MTREX: variants seen among roughly 807,000 people sequenced by gnomAD.
The protein encoded by MTREX is Mtr4 exosome RNA helicase.
In MTREX, 76 loss-of-function variants were observed where a neutral mutation model predicts 135.4. The ratio of observed to expected loss-of-function variants is 0.56; its 90% CI spans 0.47 to 0.68. The LOEUF is 0.68. MTREX is among the 30% of genes least tolerant of loss of function. MTREX has a pLI of 0.00. For synonymous variants in MTREX, 404 were observed against 401.6 expected (o/e 1.01, Z -0.07); for missense variants, 920 against 1,262.1 (o/e 0.73, Z 4.11).
At chr5:55,414,904 C>T (rs1750942947) in intron 24 of MTREX, among the ~76,000 whole-genome samples, 1 of 152,146 alleles carries the variant, frequency 6.6e-6, no homozygotes, top group African/African-American at 2.4e-5. Context: ...CCCACCTCGG[C>T]CTCCCAAAGT....
chr5:55,387,606 C>T (rs1431633321), intron 18 of MTREX, among the ~76,000 whole-genome samples: 1 of 151,938 alleles, frequency 6.6e-6, no homozygotes, highest in Non-Finnish European at 1.5e-5. Flanking sequence ...GAAATGCTAG[C>T]ATAATAAGCA....
In MTREX at chr5:55,324,205, A is replaced by G. The variant is rs1266159281; in HGVS notation, c.339+7A>G. 1 of 1,600,168 alleles carries G rather than the reference A, an allele frequency of 6.2e-7. No homozygotes were observed. The highest frequency in any genetic ancestry group is 8.5e-7 in the Non-Finnish European group (1 of 1,169,988). On this transcript the variant is annotated splice_region_variant and intron_variant, in intron 3 of 26. Transcript: ENST00000230640. ...TGAAGGGTGTACACATGAGGTAAGC[A>G]CAAACAGCATACAGAAGGTTAGTGT...
chr5:55,351,974 AC>A (rs1749835603), intron 13 of MTREX, among the ~76,000 whole-genome samples: 1 of 151,356 alleles, frequency 6.6e-6, no homozygotes, highest in Non-Finnish European at 1.5e-5. Flanking sequence ...GGAGCATACC[AC>A]CATCCCCAAC....
At chr5:55,393,468 T>C (rs1345981300) in intron 19 of MTREX, among the ~76,000 whole-genome samples, 2 of 152,228 alleles carry the variant, frequency 1.3e-5, no homozygotes, top group Non-Finnish European at 2.9e-5. Context: ...ACTTGCTTGT[T>C]GAATGAAAAA....
At position 55,342,551 on chromosome 5, in the gene MTREX, A is replaced by T. The variant is rs554693089; in HGVS notation, c.781+780A>T. Among the ~76,000 whole-genome samples the T allele has an allele frequency of 5.9e-5, 9 of 152,370 alleles. No individual in the cohort carries two copies. In the South Asian group the frequency reaches 1.9e-3, roughly 32 times the overall value. ...TAGGCTGTTACGCTCTCGTAATGAA[A>T]AAGTAAGTATGCTTGGAATTTGTAG... On this transcript the variant is annotated intron_variant, in intron 7 of 26. Transcript: ENST00000230640.
At chr5:55,328,676 A>G in intron 4 of MTREX, 23 bp from the exon 5 acceptor site, 2 of 1,486,692 alleles carry the variant, frequency 1.3e-6, no homozygotes, top group South Asian at 1.1e-5. Flanking sequence ...TTTTATGCAG[A>G]TATTAATGTT....
chr5:55,422,575 G>C (rs1561215435), intron 25 of MTREX, among the ~76,000 whole-genome samples: 1 of 152,174 alleles, frequency 6.6e-6, no homozygotes, highest in African/African-American at 2.4e-5. Context: ...TACAGACACA[G>C]ATTATGTCAT....
chr5:55,312,049 T>C (rs945495404), intron 1 of MTREX, among the ~76,000 whole-genome samples: 11 of 152,208 alleles, frequency 7.2e-5, no homozygotes, highest in Non-Finnish European at 1.3e-4. Context: ...GAAAATAGTA[T>C]CACCCTGATT....
rs778891236 is a variant in MTREX, at chr5:55,387,995, C to T, written c.2074C>T (p.Pro692Ser). 3 of 1,597,108 alleles carry T rather than the reference C, an allele frequency of 1.9e-6. No homozygotes were observed. In the Admixed American group the frequency reaches 5.0e-5, roughly 27 times the overall value. Residue 692 changes from proline to serine, a missense_variant, in exon 19 of 27, where the codon CCT becomes TCT. Physicochemically the swap from Pro to Ser is moderately conservative, Grantham distance 74. Coordinates refer to ENST00000230640, the MANE Select transcript of MTREX (RefSeq NM_015360.5). The part of the protein sequence containing the change: ...NVKPNSGELD[P>S]LYVVEVLLRC... ...TTAGCCTAACTCTGGTGAACTGGATCCTTTGTATGTAGTAGAAGTACTTCT... is the reference window on the plus strand; with the variant it reads ...TTAGCCTAACTCTGGTGAACTGGATTCTTTGTATGTAGTAGAAGTACTTCT...
intron 13 of MTREX, among the ~76,000 whole-genome samples, chr5:55,352,001 G>A (rs1411806312): frequency 6.9e-6 from 1 of 145,424 alleles, no homozygotes; most frequent in Admixed American, 6.7e-5. Flanking sequence ...TTTTTTTCTT[G>A]TTTTTTGTTT....
chr5:55,393,193 C>T (rs1750597814), intron 19 of MTREX, among the ~76,000 whole-genome samples: 1 of 152,096 alleles, frequency 6.6e-6, no homozygotes, highest in African/African-American at 2.4e-5. Context: ...TTATTCTTAC[C>T]AAAAGTCAGC....
intron 18 of MTREX, 109 bp downstream of exon 18, chr5:55,379,304 T>G (rs1250125446): frequency 1.6e-6 from 1 of 621,032 alleles, no homozygotes; most frequent in Non-Finnish European, 2.7e-6. Flanking sequence ...AGAGAAGCAG[T>G]AATAAATTCT....
At chr5:55,317,578 T>C (rs1749219516) in intron 1 of MTREX, among the ~76,000 whole-genome samples, 1 of 152,194 alleles carries the variant, frequency 6.6e-6, no homozygotes. Flanking sequence ...GCTAGCCATA[T>C]GCAGAAAATT....
chr5:55,318,070 A>T (rs1749227254), intron 1 of MTREX, among the ~76,000 whole-genome samples: 1 of 152,222 alleles, frequency 6.6e-6, no homozygotes, highest in Non-Finnish European at 1.5e-5. Flanking sequence ...CACAAATGAG[A>T]TACCATCTAA....
intron 16 of MTREX, 105 bp downstream of exon 16, chr5:55,366,980 T>C (rs1561199054): frequency 7.9e-6 from 7 of 884,200 alleles, no homozygotes; most frequent in Non-Finnish European, 1.2e-5. Context: ...AGGTAAATTT[T>C]GGTTCATACG....
Position 55,354,274 on chromosome 5 carries a change from G to C in MTREX, c.1533+1005G>C, listed in dbSNP as rs181725587. On this transcript the variant is annotated intron_variant, in intron 14 of 26. Coordinates refer to ENST00000230640, the MANE Select transcript of MTREX (RefSeq NM_015360.5). ...AGCATAAGAAAGGAAGTCATTTGGGGGTCAGGGAATGCTTCATTGAAAGGC... is the reference window on the plus strand; with the variant it reads ...AGCATAAGAAAGGAAGTCATTTGGGCGTCAGGGAATGCTTCATTGAAAGGC... Among the ~76,000 whole-genome samples the C allele has an allele frequency of 4.6e-5, 7 of 152,252 alleles. No homozygotes were observed. The South Asian group carries it at 6.2e-4, about 14-fold the overall frequency.
At chr5:55,338,786 CTTTTTTTT>C (rs67612518) in intron 5 of MTREX, among the ~76,000 whole-genome samples, 1 of 92,258 alleles carries the variant, frequency 1.1e-5, no homozygotes, top group Admixed American at 1.3e-4. Flanking sequence ...CTTTCTTTTT[CTTTTTTTT>C]TTTTTTTTTT....
Position 55,416,090 on chromosome 5 carries a change from G to A in MTREX, c.2929G>A (p.Ala977Thr), listed in dbSNP as rs1240598168. The change falls in exon 25 of 27, where the codon GCT becomes ACT. Residue 977 changes from alanine to threonine, a missense_variant. Physicochemically the swap from Ala to Thr is moderately conservative, Grantham distance 58 (BLOSUM62 0). This residue lies in a region of MTREX where 467 missense variants were observed against 589.7 expected (regional missense o/e 0.79). Transcript: ENST00000230640. ...MDVVYTWATG[A>T]TFAHICKMTD... ...TGTAGTATATACCTGGGCAACTGGA[G>A]CTACATTTGCCCATATCTGCAAAAT... 1 of 1,592,010 alleles carries A rather than the reference G, an allele frequency of 6.3e-7. No individual in the cohort carries two copies.
chr5:55,413,098 T>G (rs948092303), intron 23 of MTREX, among the ~76,000 whole-genome samples: 1 of 151,994 alleles, frequency 6.6e-6, no homozygotes. Flanking sequence ...TCCCAGCACT[T>G]TAGGAGGCTG....
Sources: gnomAD v4.1 joint callset for allele counts (sites outside exome capture counted in the v4.1 genomes callset) on GRCh38, gnomAD v4.1.1 for gene constraint, gnomAD v4.1.1 regional missense constraint, MANE v1.5 for transcripts, NCBI Gene and HGNC (gene_info 2026-07-23, HGNC 2026-07-21) for gene names.